The following MYO1F variants were observed in gnomAD, a reference collection of about 807,000 sequenced individuals.
MYO1F encodes myosin IF.
MYO1F carries 60 observed loss-of-function variants against 146.6 expected under a neutral mutation model. The ratio of observed to expected loss-of-function variants is 0.41; its 90% CI spans 0.33 to 0.51. The LOEUF (loss-of-function observed/expected upper bound fraction) is 0.51, where lower values mean the gene tolerates loss of function less well. Ranked by LOEUF, MYO1F falls within the 20% of genes least tolerant of loss-of-function variation. MYO1F has a pLI of 0.25. For missense variants in MYO1F, 1,274 were observed against 1,534.3 expected, an observed-to-expected ratio of 0.83 and a Z score of 2.83; for synonymous variants, 602 against 602.1, an observed-to-expected ratio of 1.00 and a Z score of 0.00.
intron 1 of MYO1F, among the ~76,000 whole-genome samples, chr19:8,574,611 TTC>T (rs2042189181): frequency 7.1e-5 from 3 of 42,342 alleles, no homozygotes; most frequent in African/African-American, 1.9e-4. Flanking sequence ...CTTTCTTTCT[TTC>T]TTTCTTTCTT....
At position 8,543,918 on chromosome 19, in the gene MYO1F, G is replaced by GTGC. The variant is rs1568349750; in HGVS notation, c.1524+378_1524+379insGCA. On this transcript the variant is annotated intron_variant, in intron 14 of 27. Transcript: ENST00000644032. ...GGTGCTGGTGGTGGTGGTGGTGGTG[G>GTGC]TGGTGGTGGTGGTGGTGGTGCTGGT... 2.7e-5 allele frequency: 6 copies of GTGC among 223,344 alleles called. No individual in the cohort carries two copies. In the Admixed American group the frequency reaches 3.3e-4, roughly 12 times the overall value. 13.8% of individuals were successfully genotyped at this position (223,344 alleles called of 1,614,324 possible). A position where few individuals can be genotyped will look rare whatever the true frequency, so the allele number is the denominator to read the frequency against.
intron 21 of MYO1F, among the ~76,000 whole-genome samples, chr19:8,527,933 CAG>C (rs1443781846): frequency 1.3e-5 from 2 of 152,196 alleles, no homozygotes; most frequent in Non-Finnish European, 2.9e-5. Flanking sequence ...ATATAAGAAA[CAG>C]AAGGAGGGCT....
rs1251942322 is a variant in MYO1F at position 8,554,027 on chromosome 19, G to C, written c.326+450C>G. On this transcript the variant is annotated intron_variant, in intron 4 of 27. Transcript: ENST00000644032. ...GCTGGAGTGCAGTGGTGTGATCATA[G>C]CACCTGTTCCTGCCTGGAACTCCTG... Among the ~76,000 whole-genome samples the C allele has an allele frequency of 7.9e-5, 12 of 151,930 alleles. No homozygotes were observed. In the East Asian group the frequency reaches 2.3e-3, roughly 30 times the overall value.
At chr19:8,552,577 G>C (rs1973659249) in intron 6 of MYO1F, among the ~76,000 whole-genome samples, 2 of 152,044 alleles carry the variant, frequency 1.3e-5, no homozygotes, top group South Asian at 4.2e-4. Context: ...CAAGGGTATG[G>C]AATTTATTAA....
intron 1 of MYO1F, among the ~76,000 whole-genome samples, chr19:8,570,857 C>T (rs2042095090): frequency 6.6e-6 from 1 of 152,120 alleles, no homozygotes; most frequent in Admixed American, 6.6e-5. Flanking sequence ...TCAAAATCCT[C>T]TTTCATTTTA....
intron 4 of MYO1F, among the ~76,000 whole-genome samples, chr19:8,554,169 C>A (rs1289349412): frequency 6.6e-6 from 1 of 152,032 alleles, no homozygotes; most frequent in Non-Finnish European, 1.5e-5. Flanking sequence ...ATTGCCCAGG[C>A]TGGTCTTGAA....
Position 8,543,915 on chromosome 19 carries a change from G to C in MYO1F, c.1524+382C>G, listed in dbSNP as rs1469042811. Among the ~76,000 whole-genome samples the C allele has an allele frequency of 2.8e-4, 25 of 89,568 alleles. 1 individual carries two copies. Among genetic ancestry groups the C allele is most frequent in the Middle Eastern group, 5.1e-3 (1 of 198 alleles). 58.8% of individuals were successfully genotyped at this position (89,568 alleles called of 152,430 possible). Reference sequence around the variant, plus strand: ...GGTGGTGCTGGTGGTGGTGGTGGTGGTGGTGGTGGTGGTGGTGGTGGTGCT... The same window carrying C: ...GGTGGTGCTGGTGGTGGTGGTGGTGCTGGTGGTGGTGGTGGTGGTGGTGCT... On this transcript the variant is annotated intron_variant, in intron 14 of 27. Transcript: ENST00000644032.
intron 1 of MYO1F, among the ~76,000 whole-genome samples, chr19:8,575,296 C>T (rs1264024816): frequency 1.3e-5 from 2 of 151,572 alleles, no homozygotes; most frequent in Admixed American, 1.3e-4. Flanking sequence ...AGGATCGTTT[C>T]TATCTCTTGA....
At position 8,526,488 on chromosome 19, in the gene MYO1F, G is replaced by C. The variant is rs375507542; in HGVS notation, c.2735C>G (p.Thr912Arg). 28 of 1,568,758 alleles carry C rather than the reference G, an allele frequency of 1.8e-5. No individual in the cohort carries two copies. In the Admixed American group the frequency reaches 5.4e-4, roughly 30 times the overall value. ...GGGCAGCCCATCGCCCACGCTGACC[G>C]TGAGGGTCCGACCGCCAACCTTGAG... ...AVLKVGGRTL[T>R]VSVGDGLPKS... Residue 912 changes from threonine (T) to arginine (R), a missense_variant, in exon 24 of 28, where the codon ACG becomes AGG. By Grantham distance (71) the Thr-to-Arg change is moderately conservative. This residue lies in a region of MYO1F where 374 missense variants were observed against 379.2 expected (regional missense o/e 0.99). Coordinates refer to ENST00000644032, the MANE Select transcript of MYO1F (RefSeq NM_012335.4).
At position 8,530,687 on chromosome 19, in the gene MYO1F, A is replaced by G; in HGVS notation, c.2044-114T>C. 2.5e-6 allele frequency: 2 copies of G among 814,458 alleles called. No individual in the cohort carries two copies. Among genetic ancestry groups the G allele is most frequent in the East Asian group, 2.6e-5 (1 of 39,162 alleles). 50.5% of individuals were successfully genotyped at this position (814,458 alleles called of 1,614,324 possible). A position where few individuals can be genotyped will look rare whatever the true frequency, so the allele number is the denominator to read the frequency against. The stretch of plus-strand genomic sequence containing the variant: ...CACGCTTTTGCTCACCCATCCCCAC[A>G]CATGTGCTAATTTTTTTAAGAGGCG... On this transcript the variant is annotated intron_variant, in intron 19 of 27. Transcript: ENST00000644032. The surrounding 1 kb of genome is among the most constrained non-coding windows in gnomAD (Gnocchi z 5.8).
intron 15 of MYO1F, 157 bp from the exon 16 acceptor site, chr19:8,540,185 T>C (rs1272270372): frequency 1.7e-6 from 1 of 603,130 alleles, no homozygotes; most frequent in Admixed American, 3.1e-5. Context: ...GTTGGTTTTT[T>C]GGTTTGTTTT....
At position 8,545,653 on chromosome 19, in the gene MYO1F, C is replaced by A; in HGVS notation, c.1353G>T (p.Lys451Asn). ...CCAAAGTTGACCCAGCCCTCACCAG[C>A]TTGTTTTCGATGAGGTCACAGACGA... ...NKVVCDLIEN[K>N]LSPPGIMSVL... The change falls in exon 13 of 28, where the codon AAG becomes AAT. Residue 451 changes from lysine to asparagine, a missense_variant. Lys to Asn is a moderately conservative substitution (Grantham distance 94, BLOSUM62 0). This residue lies in a region of MYO1F where 900 missense variants were observed against 1,155.1 expected (regional missense o/e 0.78). Transcript: ENST00000644032. The A allele has an allele frequency of 6.2e-7, 1 of 1,613,788 alleles. No individual in the cohort carries two copies. Among genetic ancestry groups the A allele is most frequent in the Non-Finnish European group, 8.5e-7 (1 of 1,179,702 alleles).
chr19:8,554,159 A>G (rs1973745438), intron 4 of MYO1F, among the ~76,000 whole-genome samples: 1 of 151,798 alleles, frequency 6.6e-6, no homozygotes, highest in African/African-American at 2.4e-5. Context: ...ATGTTGCCAT[A>G]TTGCCCAGGC....
rs1256004556 is a variant in MYO1F, at chr19:8,530,106, G to A, written c.2328+90C>T. On this transcript the variant is annotated intron_variant, in intron 21 of 27. Transcript: ENST00000644032. This position sits in a 1 kb window ranked among gnomAD's most constrained non-coding sequence, Gnocchi z 5.8. ...TGGAACAGATGGATCTAGGCTGGGG[G>A]ATATCTGGCTGTGGGCAGGTGCATC... 1.9e-6 allele frequency: 3 copies of A among 1,539,048 alleles called. No homozygotes were observed. Among genetic ancestry groups the A allele is most frequent in the East Asian group, 4.5e-5 (2 of 44,484 alleles).
At chr19:8,527,532 G>T in intron 21 of MYO1F, 49 bp from the exon 22 acceptor site, 1 of 1,604,466 alleles carries the variant, frequency 6.2e-7, no homozygotes, top group East Asian at 2.2e-5. Flanking sequence ...TGGCCAGCCT[G>T]GCCACAGAGG....
intron 1 of MYO1F, among the ~76,000 whole-genome samples, chr19:8,560,218 C>T (rs1389154449): frequency 6.6e-6 from 1 of 151,948 alleles, no homozygotes; most frequent in African/African-American, 2.4e-5. Flanking sequence ...GGCGCGGTGG[C>T]TCACGCCTGT....
At chr19:8,525,211 A>C (rs1972216014) in intron 25 of MYO1F, 2 of 318,856 alleles carry the variant, frequency 6.3e-6, no homozygotes, top group East Asian at 1.1e-4. Context: ...AAAAAAAAAA[A>C]AAAAAAAAAA....
Position 8,552,141 on chromosome 19 carries a change from G to A in MYO1F, c.528C>T (p.Phe176=), listed in dbSNP as rs776736885. The A allele has an allele frequency of 1.2e-6, 2 of 1,614,162 alleles. No individual in the cohort carries two copies. The highest frequency in any genetic ancestry group is 1.7e-6 in the Non-Finnish European group (2 of 1,180,028). The part of the protein sequence containing the change: ...SRFGKYFEIQ[F]SRGGEPDGGK... ...CCCCATCTGGCTCCCCACCTCGGCT[G>A]AACTGGATCTCAAAGTACTTGCCCT... Residue 176 remains phenylalanine (F), a synonymous_variant, in exon 7 of 28, where the codon TTC becomes TTT. Coordinates refer to ENST00000644032, the MANE Select transcript of MYO1F (RefSeq NM_012335.4).
chr19:8,525,630 G>C, intron 24 of MYO1F, 68 bp from the exon 25 acceptor site: 3 of 1,387,572 alleles, frequency 2.2e-6, no homozygotes, highest in Non-Finnish European at 3.0e-6. Context: ...CACAAATCTA[G>C]TCCATTCTGA....
Sources: allele counts gnomAD v4.1 joint callset (sites outside exome capture counted in the v4.1 genomes callset), GRCh38; gene constraint gnomAD v4.1.1; regional missense constraint gnomAD v4.1.1; non-coding constraint Gnocchi (gnomAD v3.1); transcripts MANE v1.5; gene names NCBI Gene and HGNC (gene_info 2026-07-23, HGNC 2026-07-21).